The following RTF2 variants were observed in gnomAD, a reference collection of about 807,000 sequenced individuals.
RTF2 encodes UPF0549 protein C20orf43.
RTF2 carries 18 observed loss-of-function variants against 38.0 expected under a neutral mutation model. That is an observed-to-expected ratio of 0.47 (90% CI 0.33 to 0.70). The LOEUF is 0.70. Ranked by LOEUF, RTF2 falls within the 30% of genes least tolerant of loss-of-function variation. The pLI, the probability that RTF2 is intolerant of heterozygous loss-of-function variation, is 0.02. For missense variants in RTF2, 311 were observed against 379.6 expected, an observed-to-expected ratio of 0.82 and a Z score of 1.50; for synonymous variants, 126 against 137.1, an observed-to-expected ratio of 0.92 and a Z score of 0.57.
intron 5 of RTF2, 40 bp downstream of exon 5, chr20:56,484,229 C>G: frequency 6.7e-7 from 1 of 1,485,720 alleles, no homozygotes; most frequent in Non-Finnish European, 9.4e-7. Context: ...TTCTCTGTAG[C>G]TGAGGAAATC....
At chr20:56,493,587 T>C (rs1046975771) in intron 5 of RTF2, among the ~76,000 whole-genome samples, 3 of 147,486 alleles carry the variant, frequency 2.0e-5, no homozygotes, top group Non-Finnish European at 3.0e-5. Context: ...GCCCAGAAAG[T>C]GGAGGCTGCA....
At chr20:56,478,895 C>T (rs1161677068) in intron 4 of RTF2, among the ~76,000 whole-genome samples, 1 of 152,194 alleles carries the variant, frequency 6.6e-6, no homozygotes, top group Non-Finnish European at 1.5e-5. Context: ...ATCAATTAAG[C>T]TTATGTAATA....
Position 56,518,355 on chromosome 20 carries a change from T to G in RTF2, c.*90T>G. The G allele has an allele frequency of 7.7e-7, 1 of 1,296,408 alleles. No homozygotes were observed. Among genetic ancestry groups the G allele is most frequent in the Non-Finnish European group, 1.1e-6 (1 of 928,170 alleles). 80.3% of individuals were successfully genotyped at this position (1,296,408 alleles called of 1,614,324 possible). The stretch of plus-strand genomic sequence containing the variant: ...GTGCCTCTGAGTGCGCTGCTGTGTG[T>G]TCTCTCTATAGTTCTGTGTCATAAA... On this transcript the variant is annotated 3_prime_UTR_variant, in exon 9 of 9. Coordinates refer to ENST00000357348, the MANE Select transcript of RTF2 (RefSeq NM_016407.5).
At chr20:56,515,399 C>T (rs907618328) in intron 6 of RTF2, among the ~76,000 whole-genome samples, 1 of 152,008 alleles carries the variant, frequency 6.6e-6, no homozygotes, top group Non-Finnish European at 1.5e-5. Flanking sequence ...TGGTGAAACC[C>T]CATCTCTACT....
chr20:56,491,810 C>A, intron 5 of RTF2: 1 of 1,514,542 alleles, frequency 6.6e-7, no homozygotes, highest in Non-Finnish European at 9.0e-7. Flanking sequence ...AAAAACCTAG[C>A]TGCCTTTGTT....
rs541949262 is a variant in RTF2, at chr20:56,494,210, C to T, written c.477+10021C>T. On this transcript the variant is annotated intron_variant, in intron 5 of 8. Coordinates refer to ENST00000357348, the MANE Select transcript of RTF2 (RefSeq NM_016407.5). ...CACGCTACTGCCTAACTGTGAGTAC[C>T]GTTTTCATACTGAAGCTAGTGATGT... Among the ~76,000 whole-genome samples the T allele has an allele frequency of 7.1e-4, 108 of 152,268 alleles. 1 individual carries two copies. Among genetic ancestry groups the T allele is most frequent in the Non-Finnish European group, 1.2e-3 (79 of 68,032 alleles).
At chr20:56,490,947 G>C (rs1841198961) in intron 5 of RTF2, among the ~76,000 whole-genome samples, 1 of 152,250 alleles carries the variant, frequency 6.6e-6, no homozygotes, top group African/African-American at 2.4e-5. Context: ...CAGTTAGACA[G>C]CTCAGCTGTG....
intron 5 of RTF2, among the ~76,000 whole-genome samples, chr20:56,493,223 G>GA (rs1238449265): frequency 6.6e-6 from 1 of 152,166 alleles, no homozygotes; most frequent in Non-Finnish European, 1.5e-5. Flanking sequence ...GGGGCAGGGG[G>GA]ATGTATGCAC....
chr20:56,491,845 A>G (rs1600809674), intron 5 of RTF2: 1 of 1,285,470 alleles, frequency 7.8e-7, no homozygotes, highest in Non-Finnish European at 1.1e-6. Flanking sequence ...ATTCACACAC[A>G]GAAAGTGGCG....
At chr20:56,502,428 A>G (rs551051919) in intron 5 of RTF2, among the ~76,000 whole-genome samples, 1 of 152,288 alleles carries the variant, frequency 6.6e-6, no homozygotes, top group Admixed American at 6.5e-5. Context: ...GCCAGTAGCA[A>G]AAGTCAGCAA....
At chr20:56,492,889 G>T (rs946083897) in intron 5 of RTF2, among the ~76,000 whole-genome samples, 1 of 150,716 alleles carries the variant, frequency 6.6e-6, no homozygotes, top group African/African-American at 2.4e-5. Context: ...TTAAAAAAAC[G>T]TATCTTGGCT....
intron 1 of RTF2, among the ~76,000 whole-genome samples, chr20:56,469,021 T>C (rs1308700441): frequency 6.6e-6 from 1 of 152,230 alleles, no homozygotes; most frequent in Non-Finnish European, 1.5e-5. Flanking sequence ...TATAGCTACA[T>C]ACTGTTGTCC....
At chr20:56,488,694 CAG>C (rs1424357514) in intron 5 of RTF2, among the ~76,000 whole-genome samples, 3 of 152,224 alleles carry the variant, frequency 2.0e-5, no homozygotes, top group African/African-American at 7.2e-5. Context: ...CTCAAGGAAT[CAG>C]ATAAGACACA....
At chr20:56,505,296 G>A (rs1984190223) in intron 5 of RTF2, among the ~76,000 whole-genome samples, 1 of 151,884 alleles carries the variant, frequency 6.6e-6, no homozygotes, top group African/African-American at 2.4e-5. Context: ...AGACCAGCCT[G>A]GAAACATAGC....
intron 3 of RTF2, among the ~76,000 whole-genome samples, chr20:56,476,575 C>G (rs960813944): frequency 6.6e-6 from 1 of 151,258 alleles, no homozygotes; most frequent in Non-Finnish European, 1.5e-5. Context: ...TCTCAGCTCA[C>G]TGCAACCTCC....
chr20:56,490,292 G>C (rs1954077002), intron 5 of RTF2, among the ~76,000 whole-genome samples: 1 of 152,120 alleles, frequency 6.6e-6, no homozygotes, highest in Admixed American at 6.5e-5. Context: ...TAAATCTCTT[G>C]TATGTTGTGC....
In RTF2 at chr20:56,484,017, A is replaced by G. The variant is rs1317437669; in HGVS notation, c.399-94A>G. On this transcript the variant is annotated intron_variant, in intron 4 of 8. Coordinates refer to ENST00000357348, the MANE Select transcript of RTF2 (RefSeq NM_016407.5). ...TAATAGAGTAAAATGTAACTATTTT[A>G]ATCTTTGTGGTTCTTGGCCTTTGTA... The G allele has an allele frequency of 3.9e-6, 4 of 1,013,274 alleles. No individual in the cohort carries two copies. The East Asian group carries it at 9.9e-5, about 25-fold the overall frequency. 62.8% of individuals were successfully genotyped at this position (1,013,274 alleles called of 1,614,324 possible).
chr20:56,472,293 C>A, intron 1 of RTF2: 1 of 1,164,968 alleles, frequency 8.6e-7, no homozygotes, highest in Non-Finnish European at 1.2e-6. Context: ...TTCCTATTTT[C>A]TTCCAAATGT....
intron 5 of RTF2, among the ~76,000 whole-genome samples, chr20:56,503,505 A>G (rs1260129716): frequency 6.6e-6 from 1 of 152,212 alleles, no homozygotes; most frequent in African/African-American, 2.4e-5. Flanking sequence ...AATCTAGTTG[A>G]TGCCATACTG....
Sources: allele counts gnomAD v4.1 joint callset (sites outside exome capture counted in the v4.1 genomes callset), GRCh38; gene constraint gnomAD v4.1.1; transcripts MANE v1.5; gene names NCBI Gene and HGNC (gene_info 2026-07-23, HGNC 2026-07-21).